NOX5: variants seen among roughly 807,000 people sequenced by gnomAD.
NOX5 encodes the protein NADPH oxidase 5, also known as NADPH oxidase, EF-hand calcium binding domain 5.
Under a neutral mutation model 85.7 loss-of-function variants are expected in NOX5, and 76 were observed. The observed-to-expected ratio is 0.89, with a 90% CI of 0.74 to 1.07. The LOEUF (loss-of-function observed/expected upper bound fraction) is 1.07, where lower values mean the gene tolerates loss of function less well. NOX5 is among the 50% of genes least tolerant of loss of function. The probability of loss-of-function intolerance (pLI) is 0.00; values close to 1 mark genes in which losing one functional copy is unlikely to be tolerated. For synonymous variants in NOX5, 405 were observed against 401.4 expected (o/e 1.01, Z -0.11); for missense variants, 973 against 999.5 (o/e 0.97, Z 0.36).
Position 69,031,721 on chromosome 15 carries a change from G to T in NOX5, c.529G>T (p.Ala177Ser). 1 of 1,612,980 alleles carries T rather than the reference G, an allele frequency of 6.2e-7. No homozygotes were observed. The highest frequency in any genetic ancestry group is 8.5e-7 in the Non-Finnish European group (1 of 1,179,736). Residue 177 changes from alanine to serine, a missense_variant, in exon 4 of 16, where the codon GCC (alanine) becomes TCC (serine). Physicochemically the swap from Ala to Ser is moderately conservative, Grantham distance 99 (BLOSUM62 1). Transcript: ENST00000388866. ...DQLTLALFES[A>S]DADGNGAITF... is the part of the protein sequence containing the mutation. Reference sequence around the variant, plus strand: ...GCTGACGCTGGCGCTCTTCGAATCGGCCGACGCGGACGGCAACGGGGCCAT... The same window carrying T: ...GCTGACGCTGGCGCTCTTCGAATCGTCCGACGCGGACGGCAACGGGGCCAT...
intron 14 of NOX5, among the ~76,000 whole-genome samples, chr15:69,054,978 C>G (rs568042889): frequency 3.3e-4 from 51 of 152,248 alleles, no homozygotes; most frequent in African/African-American, 1.2e-3. Context: ...AATCCCAGCA[C>G]TTTGGGAGGC....
In NOX5 at chr15:69,058,371, A is replaced by C. The variant is rs2140287352; in HGVS notation, c.*1675A>C. ...GAAGGTGGGGGAAAGCTCTCTTCTG[A>C]AAGGGGCAATAGGAAGGGGATGGTG... On this transcript the variant is annotated 3_prime_UTR_variant, in exon 16 of 16. Transcript: ENST00000388866. 6.5e-6 allele frequency: 1 copy of C among 152,908 alleles called. No homozygotes were observed. The allele number at this position is 152,908 out of a possible 1,614,324, so 9.5% of individuals were successfully genotyped here. A position where few individuals can be genotyped will look rare whatever the true frequency, so the allele number is the denominator to read the frequency against.
Position 69,036,493 on chromosome 15 carries a change from G to A in NOX5, c.1189-535G>A, listed in dbSNP as rs35362603. 7.3e-3 allele frequency among the ~76,000 whole-genome samples: 1,110 copies of A among 152,268 alleles called. 17 individuals carry two copies. The highest frequency in any genetic ancestry group is 0.026 in the African/African-American group (1,060 of 41,540). On this transcript the variant is annotated intron_variant, in intron 7 of 15. Transcript: ENST00000388866. ...GGAGAGCTTGACTATCTTGTGGCCT[G>A]ACCACATCAGAAATAGACATATACT...
chr15:69,033,269 T>C lies in NOX5; in HGVS notation c.847T>C (p.Phe283Leu), dbSNP rs1484316725. The change falls in exon 5 of 16, where the codon TTC (phenylalanine) becomes CTC (leucine). Residue 283 changes from phenylalanine (F) to leucine (L), a missense_variant. Phe to Leu is a conservative substitution (Grantham distance 22, BLOSUM62 0). Coordinates refer to ENST00000388866, the MANE Select transcript of NOX5 (RefSeq NM_024505.4). Reference sequence around the variant, plus strand: ...CCAGTGCCTCAACTTCGACTGCAGCTTCATCGCGGTAGGCTCTGCCAGCAC... The same window carrying C: ...CCAGTGCCTCAACTTCGACTGCAGCCTCATCGCGGTAGGCTCTGCCAGCAC... ...CGQCLNFDCS[F>L]IAVLMLRRCL... 4 of 1,594,272 alleles carry C rather than the reference T, an allele frequency of 2.5e-6. No individual in the cohort carries two copies. The highest frequency in any genetic ancestry group is 3.4e-6 in the Non-Finnish European group (4 of 1,178,308).
chr15:69,016,263 C>T (rs566789957), intron 1 of NOX5, among the ~76,000 whole-genome samples: 5 of 152,160 alleles, frequency 3.3e-5, no homozygotes, highest in Non-Finnish European at 4.4e-5. Flanking sequence ...ATTGCCCTGG[C>T]CCTTGACACT....
chr15:69,028,410 G>C (rs778795053), intron 3 of NOX5, 45 bp downstream of exon 3: 1 of 1,518,282 alleles, frequency 6.6e-7, no homozygotes, highest in African/African-American at 1.4e-5. Flanking sequence ...GAGATCAGTG[G>C]GCCTCAGTGA....
chr15:69,051,225 G>A (rs886932899), intron 14 of NOX5, among the ~76,000 whole-genome samples: 4 of 152,126 alleles, frequency 2.6e-5, no homozygotes, highest in Admixed American at 6.5e-5. Flanking sequence ...GGCAATAAGC[G>A]GGGCTGTTGT....
chr15:69,015,360 C>G (rs1286422633), intron 1 of NOX5, among the ~76,000 whole-genome samples: 1 of 152,188 alleles, frequency 6.6e-6, no homozygotes, highest in Non-Finnish European at 1.5e-5. Context: ...ACAGGCCCAC[C>G]ACACTGATCT....
intron 2 of NOX5, among the ~76,000 whole-genome samples, 179 bp from the exon 3 acceptor site, chr15:69,028,036 A>T (rs2050380975): frequency 6.6e-6 from 1 of 152,124 alleles, no homozygotes; most frequent in African/African-American, 2.4e-5. Flanking sequence ...AGGGATCGGA[A>T]CAGGTCTTCC....
intron 9 of NOX5, among the ~76,000 whole-genome samples, chr15:69,041,139 G>A (rs2050589506): frequency 6.6e-6 from 1 of 152,232 alleles, no homozygotes; most frequent in Non-Finnish European, 1.5e-5. Context: ...GGAGTCAGGA[G>A]TGGGACTCAG....
chr15:69,016,249 GGGCATTGCCCTGGCCCTTGACACTC>G (rs2050231181), intron 1 of NOX5, among the ~76,000 whole-genome samples: 1 of 152,136 alleles, frequency 6.6e-6, no homozygotes, highest in Non-Finnish European at 1.5e-5. Context: ...GGCTGGGTGG[GGGCATTGCCCTGGCCCTTGACACTC>G]CCAGCTACAG....
chr15:69,031,466 C>G, intron 3 of NOX5, 52 bp from the exon 4 acceptor site: 2 of 1,557,564 alleles, frequency 1.3e-6, no homozygotes, highest in South Asian at 2.3e-5. Context: ...GGAAAGCTGA[C>G]TGGCAGAAAG....
intron 10 of NOX5, among the ~76,000 whole-genome samples, chr15:69,044,530 A>T (rs2050638270): frequency 6.6e-6 from 1 of 152,246 alleles, no homozygotes; most frequent in Non-Finnish European, 1.5e-5. Flanking sequence ...ATAGGAAAAT[A>T]CCTAAATAAA....
chr15:69,031,580 G>A lies in NOX5; in HGVS notation c.388G>A (p.Ala130Thr). The A allele has an allele frequency of 3.1e-6, 5 of 1,612,836 alleles. No homozygotes were observed. Among genetic ancestry groups the A allele is most frequent in the Non-Finnish European group, 4.2e-6 (5 of 1,180,040 alleles). ...GGGTGCTGGGGCAGGCCCGCACTGGGCTTCATCCCCACTCGGGACAGGCAG... is the reference window on the plus strand; with the variant it reads ...GGGTGCTGGGGCAGGCCCGCACTGGACTTCATCCCCACTCGGGACAGGCAG... ...EWGAGAGPHW[A>T]SSPLGTGSGS... Residue 130 changes from alanine to threonine, a missense_variant, in exon 4 of 16, where the codon GCT becomes ACT. Physicochemically the swap from Ala to Thr is moderately conservative, Grantham distance 58. Transcript: ENST00000388866.
chr15:69,056,360 G>A (rs752721202), intron 15 of NOX5, among the ~76,000 whole-genome samples: 2 of 152,154 alleles, frequency 1.3e-5, no homozygotes, highest in Non-Finnish European at 2.9e-5. Flanking sequence ...CATGTTGCCA[G>A]CTGAACAAAT....
rs1394393428 is a variant in NOX5 at position 69,056,698 on chromosome 15, C to T, written c.*2C>T. 6.2e-7 allele frequency: 1 copy of T among 1,613,360 alleles called. No individual in the cohort carries two copies. Among genetic ancestry groups the T allele is most frequent in the Admixed American group, 1.7e-5 (1 of 60,000 alleles). On this transcript the variant is annotated 3_prime_UTR_variant, in exon 16 of 16. Transcript: ENST00000388866. ...AGATTTTTCCAAGAGAATTTCTAGC[C>T]TCACCTCTCCAAGCTCTGCCCCAAG...
At chr15:69,020,873 G>C (rs62010828) in intron 1 of NOX5, among the ~76,000 whole-genome samples, 9,126 of 152,002 alleles carry the variant, frequency 0.06, 398 homozygotes, top group East Asian at 0.2. Flanking sequence ...TTTTAATTAA[G>C]AATGAATTTT....
At chr15:69,041,963 AG>A (rs2050600159) in intron 9 of NOX5, among the ~76,000 whole-genome samples, 1 of 151,924 alleles carries the variant, frequency 6.6e-6, no homozygotes, top group Non-Finnish European at 1.5e-5. Context: ...AATGTGACCC[AG>A]GGAAGCCAAA....
Position 69,035,451 on chromosome 15 carries a change from G to A in NOX5, c.953G>A (p.Gly318Asp), listed in dbSNP as rs2050501026. The change falls in exon 6 of 16, where the codon GGC (glycine) becomes GAC (aspartate). Residue 318 changes from glycine to aspartate, a missense_variant. Physicochemically the swap from Gly to Asp is moderately conservative, Grantham distance 94 (BLOSUM62 -1). Transcript: ENST00000388866. ...DQNIQFHQLM[G>D]YVVVGLSLVH... Reference sequence around the variant, plus strand: ...AACATCCAGTTCCACCAGCTTATGGGCTACGTGGTAGTGGGGCTGTCCCTC... The same window carrying A: ...AACATCCAGTTCCACCAGCTTATGGACTACGTGGTAGTGGGGCTGTCCCTC... 1.2e-5 allele frequency: 19 copies of A among 1,614,168 alleles called. No individual in the cohort carries two copies. Among genetic ancestry groups the A allele is most frequent in the Non-Finnish European group, 1.5e-5 (18 of 1,180,014 alleles).
Sources: gnomAD v4.1 joint callset for allele counts (sites outside exome capture counted in the v4.1 genomes callset) on GRCh38, gnomAD v4.1.1 for gene constraint, MANE v1.5 for transcripts, NCBI Gene and HGNC (gene_info 2026-07-23, HGNC 2026-07-21) for gene names.